SHISA9: variants seen among roughly 807,000 people sequenced by gnomAD.
SHISA9 encodes the protein shisa family member 9.
Under a neutral mutation model 38.0 loss-of-function variants are expected in SHISA9, and 13 were observed. That is an observed-to-expected ratio of 0.34 (90% CI 0.22 to 0.54). SHISA9 has a LOEUF of 0.54. SHISA9 is among the 20% of genes least tolerant of loss of function. The probability of loss-of-function intolerance (pLI) is 0.91; values close to 1 mark genes in which losing one functional copy is unlikely to be tolerated. For synonymous variants in SHISA9, 275 were observed against 242.0 expected (o/e 1.14, Z -1.27); for missense variants, 538 against 575.8 (o/e 0.93, Z 0.67).
At chr16:13,472,160 C>A in the SHISA9 span, among the ~76,000 whole-genome samples, 2 of 152,084 alleles carry the variant, frequency 1.3e-5, no homozygotes, top group Non-Finnish European at 2.9e-5. Context: ...CTTGCTGGCC[C>A]ACAGATGTGA....
At chr16:13,008,476 G>A (rs573116906) in intron 2 of SHISA9, among the ~76,000 whole-genome samples, 1 of 152,258 alleles carries the variant, frequency 6.6e-6, no homozygotes, top group African/African-American at 2.4e-5. Context: ...ATCCCCACGT[G>A]TTGAGGGAGG....
In SHISA9 at chr16:13,235,437, A is replaced by C; in HGVS notation, c.*28A>C. The stretch of plus-strand genomic sequence containing the variant: ...TTTCACCACAGGGAGCACCCTGGAG[A>C]CCACACTCAACTGAGAGAGGCAAAA... On this transcript the variant is annotated 3_prime_UTR_variant, in exon 5 of 5. Transcript: ENST00000558583. 6.6e-7 allele frequency: 1 copy of C among 1,513,038 alleles called. No homozygotes were observed. The highest frequency in any genetic ancestry group is 8.8e-7 in the Non-Finnish European group (1 of 1,133,960). The allele number at this position is 1,513,038 out of a possible 1,614,324, so 93.7% of individuals were successfully genotyped here.
chr16:13,028,371 G>T (rs1398850707), intron 2 of SHISA9, among the ~76,000 whole-genome samples: 2 of 152,072 alleles, frequency 1.3e-5, no homozygotes, highest in African/African-American at 4.8e-5. Flanking sequence ...CCGAGACTGG[G>T]CAATTTATAA....
At chr16:13,466,812 G>C in the SHISA9 span, among the ~76,000 whole-genome samples, 1 of 152,004 alleles carries the variant, frequency 6.6e-6, no homozygotes, top group Non-Finnish European at 1.5e-5. Context: ...TTACATTATA[G>C]CATTTAGGTT....
chr16:13,376,605 T>A, the SHISA9 span, among the ~76,000 whole-genome samples: 3 of 152,232 alleles, frequency 2.0e-5, no homozygotes, highest in African/African-American at 4.8e-5. Flanking sequence ...GGATTTTTTT[T>A]ATTTTAGATT....
At chr16:13,035,126 G>A (rs997999452) in intron 2 of SHISA9, among the ~76,000 whole-genome samples, 1 of 152,104 alleles carries the variant, frequency 6.6e-6, no homozygotes, top group Admixed American at 6.5e-5. Flanking sequence ...CAACATATTT[G>A]TTATTATGGT....
the SHISA9 span, among the ~76,000 whole-genome samples, chr16:13,351,999 T>TCAAAGG: frequency 6.6e-6 from 1 of 152,280 alleles, no homozygotes; most frequent in East Asian, 1.9e-4. Flanking sequence ...CCTGCCCGAA[T>TCAAAGG]AGAATGGCTT....
the SHISA9 span, among the ~76,000 whole-genome samples, chr16:13,325,861 G>C: frequency 6.6e-6 from 1 of 151,106 alleles, no homozygotes; most frequent in African/African-American, 2.4e-5. Context: ...AGAACACATG[G>C]ACACAGGGAG....
At chr16:13,036,321 G>T (rs2073062534) in intron 2 of SHISA9, among the ~76,000 whole-genome samples, 1 of 152,198 alleles carries the variant, frequency 6.6e-6, no homozygotes, top group Non-Finnish European at 1.5e-5. Flanking sequence ...GATACATGTA[G>T]CAGTATAAAT....
In SHISA9 at chr16:13,165,231, C is replaced by T. The variant is rs531182281; in HGVS notation, c.692-38163C>T. 8.5e-5 allele frequency among the ~76,000 whole-genome samples: 13 copies of T among 152,230 alleles called. 1 individual carries two copies. Among genetic ancestry groups the T allele is most frequent in the African/African-American group, 2.9e-4 (12 of 41,554 alleles). On this transcript the variant is annotated intron_variant, in intron 2 of 4. Coordinates refer to ENST00000558583, the MANE Select transcript of SHISA9 (RefSeq NM_001145204.3). ...CACTGATTCTATGTATATTAAATCA[C>T]GTGATGCATTCCACAGTTCAGTCAT...
At chr16:13,267,629 T>C in the SHISA9 span, among the ~76,000 whole-genome samples, 1 of 152,162 alleles carries the variant, frequency 6.6e-6, no homozygotes, top group African/African-American at 2.4e-5. Flanking sequence ...GAGGATGTAA[T>C]CTAAATGTTT....
At chr16:12,920,307 A>C (rs760501242) in intron 2 of SHISA9, among the ~76,000 whole-genome samples, 3 of 152,084 alleles carry the variant, frequency 2.0e-5, no homozygotes, top group Admixed American at 6.5e-5. Context: ...GTACCCTAGA[A>C]CTTAAAGTAT....
chr16:13,421,161 G>A, the SHISA9 span, among the ~76,000 whole-genome samples: 1 of 152,122 alleles, frequency 6.6e-6, no homozygotes, highest in African/African-American at 2.4e-5. Flanking sequence ...GAGAGGATCT[G>A]CTGCATTCAG....
the SHISA9 span, among the ~76,000 whole-genome samples, chr16:13,363,893 C>G: frequency 3.9e-5 from 6 of 152,104 alleles, no homozygotes; most frequent in East Asian, 1.9e-4. Context: ...TCAGCATGTC[C>G]TAAGAACTTG....
At chr16:13,286,615 G>A in the SHISA9 span, among the ~76,000 whole-genome samples, 5 of 152,072 alleles carry the variant, frequency 3.3e-5, no homozygotes, top group Admixed American at 6.6e-5. Flanking sequence ...GAAGAAACAC[G>A]TCATCTGCAA....
At chr16:13,129,079 G>A (rs2050286057) in intron 2 of SHISA9, among the ~76,000 whole-genome samples, 1 of 152,034 alleles carries the variant, frequency 6.6e-6, no homozygotes, top group Non-Finnish European at 1.5e-5. Flanking sequence ...AATGTTATCT[G>A]AGCATCTTCT....
chr16:13,493,555 G>T, the SHISA9 span, among the ~76,000 whole-genome samples: 65 of 152,276 alleles, frequency 4.3e-4, 1 homozygote, highest in East Asian at 9.3e-3. Context: ...TGAGGTCATG[G>T]CTCTTTTATT....
At chr16:13,037,652 C>G (rs980757891) in intron 2 of SHISA9, among the ~76,000 whole-genome samples, 5 of 152,146 alleles carry the variant, frequency 3.3e-5, no homozygotes, top group African/African-American at 1.2e-4. Flanking sequence ...ACTGTTATCA[C>G]CATGGTTTAA....
chr16:13,469,236 T>C, the SHISA9 span, among the ~76,000 whole-genome samples: 1 of 141,024 alleles, frequency 7.1e-6, no homozygotes, highest in Non-Finnish European at 1.5e-5. Flanking sequence ...AGCAAGACTC[T>C]GCCAAGAAAA....
Sources: gnomAD v4.1 joint callset for allele counts (sites outside exome capture counted in the v4.1 genomes callset) on GRCh38, gnomAD v4.1.1 for gene constraint, MANE v1.5 for transcripts, NCBI Gene and HGNC (gene_info 2026-07-23, HGNC 2026-07-21) for gene names.